ELMOD3: variants seen among roughly 807,000 people sequenced by gnomAD.
The protein encoded by ELMOD3 is ELMO domain containing 3.
ELMOD3 carries 36 observed loss-of-function variants against 47.4 expected under a neutral mutation model. The ratio of observed to expected loss-of-function variants is 0.76; its 90% CI spans 0.58 to 1.00. The LOEUF is 1.00. ELMOD3 is among the 50% of genes least tolerant of loss of function. ELMOD3 has a pLI of 0.00. For missense variants in ELMOD3, 404 were observed against 463.8 expected (o/e 0.87, Z 1.18); for synonymous variants, 149 against 183.5 (o/e 0.81, Z 1.52).
intron 11 of ELMOD3, among the ~76,000 whole-genome samples, chr2:85,380,189 A>G (rs1243068995): frequency 2.0e-5 from 3 of 152,234 alleles, no homozygotes; most frequent in African/African-American, 7.2e-5. Flanking sequence ...AATACTCACA[A>G]ATAGTTTCCA....
intron 11 of ELMOD3, among the ~76,000 whole-genome samples, chr2:85,379,266 GT>G (rs1464102199): frequency 1.3e-5 from 2 of 152,248 alleles, no homozygotes; most frequent in African/African-American, 4.8e-5. Flanking sequence ...CTGGAGTGCA[GT>G]GGCGCGATAG....
In ELMOD3 at chr2:85,376,009, T is replaced by TC. The variant is rs57035046; in HGVS notation, c.608-1332dup. The stretch of plus-strand genomic sequence containing the variant: ...CCCACCCAGACAGTCCAGGATCATC[T>TC]CCCTCTCTGCTGATCAGCAACCTTA... On this transcript the variant is annotated intron_variant, in intron 10 of 13. Transcript: ENST00000409013. The surrounding 1 kb of genome is among the most constrained non-coding windows in gnomAD (Gnocchi z 4.2). 0.097 allele frequency among the ~76,000 whole-genome samples: 14,708 copies of TC among 152,190 alleles called. 756 individuals are homozygous for TC. The highest frequency in any genetic ancestry group is 0.16 in the South Asian group (763 of 4,816).
intron 4 of ELMOD3, among the ~76,000 whole-genome samples, chr2:85,361,299 T>C (rs1683938762): frequency 6.6e-6 from 1 of 152,242 alleles, no homozygotes; most frequent in Admixed American, 6.5e-5. Flanking sequence ...CTCAGAACCC[T>C]CAGACTTTCA....
At chr2:85,369,946 C>A in intron 8 of ELMOD3, 116 bp downstream of exon 8, 1 of 1,313,966 alleles carries the variant, frequency 7.6e-7, no homozygotes, top group Non-Finnish European at 1.0e-6. Flanking sequence ...GATCTTGGTG[C>A]CCAGGATCAT....
chr2:85,366,543 C>T (rs1684400709), intron 6 of ELMOD3, among the ~76,000 whole-genome samples: 1 of 152,198 alleles, frequency 6.6e-6, no homozygotes, highest in Non-Finnish European at 1.5e-5. Context: ...TAATAGCTTA[C>T]ATTTGGGCCA....
chr2:85,373,542 A>C (rs1351793937), intron 10 of ELMOD3, among the ~76,000 whole-genome samples: 1 of 151,968 alleles, frequency 6.6e-6, no homozygotes, highest in Non-Finnish European at 1.5e-5. Flanking sequence ...GAATCTCTGG[A>C]GAAAAAGGAA....
chr2:85,375,070 G>A (rs189071117), intron 10 of ELMOD3, among the ~76,000 whole-genome samples: 7 of 151,556 alleles, frequency 4.6e-5, no homozygotes, highest in African/African-American at 9.7e-5. Flanking sequence ...GCGACAGAGC[G>A]AGATTCCATC....
intron 10 of ELMOD3, 164 bp downstream of exon 10, chr2:85,371,726 G>T: frequency 3.0e-6 from 3 of 986,932 alleles, no homozygotes; most frequent in Admixed American, 2.8e-5. Context: ...GCGCCTGCTA[G>T]TTCTGCTTGA....
Position 85,390,333 on chromosome 2 carries a change from G to A in ELMOD3, c.943+68G>A. On this transcript the variant is annotated intron_variant, in intron 13 of 13. Coordinates refer to ENST00000409013, the MANE Select transcript of ELMOD3 (RefSeq NM_001135022.2). ...GTCCCAGGTCCAGAGAGCCCAAGGT[G>A]GTTGCTAGACTGGTTTTGGCTGCAG... 3.1e-6 allele frequency: 5 copies of A among 1,614,106 alleles called. No individual in the cohort carries two copies. In the South Asian group the frequency reaches 5.5e-5, roughly 18 times the overall value.
At chr2:85,369,535 A>T (rs1299489901) in intron 7 of ELMOD3, among the ~76,000 whole-genome samples, 1 of 152,200 alleles carries the variant, frequency 6.6e-6, no homozygotes, top group Non-Finnish European at 1.5e-5. Context: ...TGACCTAGCA[A>T]GACTGAATAG....
At chr2:85,383,691 T>C (rs1418742644) in intron 11 of ELMOD3, among the ~76,000 whole-genome samples, 1 of 152,082 alleles carries the variant, frequency 6.6e-6, no homozygotes, top group African/African-American at 2.4e-5. Flanking sequence ...CCTCAGCAAA[T>C]TGTTCTGTTG....
At chr2:85,369,479 G>A (rs2104572807) in intron 7 of ELMOD3, among the ~76,000 whole-genome samples, 1 of 152,292 alleles carries the variant, frequency 6.6e-6, no homozygotes, top group African/African-American at 2.4e-5. Flanking sequence ...AGAGCATTTA[G>A]GGATCACCTC....
chr2:85,359,270 A>G (rs1343065627), intron 4 of ELMOD3, among the ~76,000 whole-genome samples: 2 of 152,064 alleles, frequency 1.3e-5, no homozygotes, highest in South Asian at 2.1e-4. Flanking sequence ...GTATGATTTC[A>G]TTAGGTACTA....
chr2:85,382,998 A>G (rs1235299086), intron 11 of ELMOD3, among the ~76,000 whole-genome samples: 1 of 151,144 alleles, frequency 6.6e-6, no homozygotes, highest in Non-Finnish European at 1.5e-5. Flanking sequence ...CTCAAACTCC[A>G]TAAAGAAATT....
intron 10 of ELMOD3, chr2:85,372,124 G>A (rs779786090): frequency 6.6e-6 from 1 of 152,500 alleles, no homozygotes; most frequent in Non-Finnish European, 1.5e-5. Context: ...AGCCGAGATT[G>A]CGCCACGGCA....
chr2:85,388,736 G>A (rs1004550454), intron 11 of ELMOD3, among the ~76,000 whole-genome samples: 2 of 152,348 alleles, frequency 1.3e-5, no homozygotes, highest in South Asian at 4.1e-4. Context: ...CTGGAAATGT[G>A]GCTAGTACCA....
chr2:85,385,481 TTGAGCCAGGA>T (rs2104718076), intron 11 of ELMOD3, among the ~76,000 whole-genome samples: 1 of 152,206 alleles, frequency 6.6e-6, no homozygotes, highest in East Asian at 1.9e-4. Context: ...TGGGGAGCTT[TTGAGCCAGGA>T]TGAGCCAGGA....
At chr2:85,355,947 A>G (rs1352498370) in intron 3 of ELMOD3, 1 of 152,268 alleles carries the variant, frequency 6.6e-6, no homozygotes, top group Non-Finnish European at 1.5e-5. Context: ...ACCAGCAGCC[A>G]GTTTTTATGG....
chr2:85,390,503 A>C (rs766459064), intron 13 of ELMOD3: 2 of 1,602,228 alleles, frequency 1.2e-6, no homozygotes, highest in Non-Finnish European at 1.7e-6. Flanking sequence ...TTCTGATCAA[A>C]AATTGGGAGC....
Sources: gnomAD v4.1 joint callset for allele counts (sites outside exome capture counted in the v4.1 genomes callset) on GRCh38, gnomAD v4.1.1 for gene constraint, Gnocchi (gnomAD v3.1) non-coding constraint, MANE v1.5 for transcripts, NCBI Gene and HGNC (gene_info 2026-07-23, HGNC 2026-07-21) for gene names.